Variants in MTX3 observed in about 807,000 individuals in gnomAD.
The protein encoded by MTX3 is metaxin-3.
In MTX3, 27 loss-of-function variants were observed where a neutral mutation model predicts 42.5. The ratio of observed to expected loss-of-function variants is 0.64; its 90% CI spans 0.47 to 0.88. The LOEUF (loss-of-function observed/expected upper bound fraction) is 0.88, where lower values mean the gene tolerates loss of function less well. Among genes scored for constraint, MTX3 ranks in the 40% least tolerant of loss-of-function variants. The pLI, the probability that MTX3 is intolerant of heterozygous loss-of-function variation, is 0.00. For synonymous variants in MTX3, 144 were observed against 132.9 expected, an observed-to-expected ratio of 1.08 and a Z score of -0.57; for missense variants, 378 against 367.0, an observed-to-expected ratio of 1.03 and a Z score of -0.25.
In MTX3 at chr5:79,989,217, C is replaced by T. The variant is rs1831569268; in HGVS notation, c.256G>A (p.Ala86Thr). The part of the protein sequence containing the change: ...QKYNADYELS[A>T]KQGADTLAYI... ...GCCAATGTATCTGCCCCTTGTTTTG[C>T]TGAGAGTTCATAATCAGCATTATAT... Residue 86 changes from alanine to threonine, a missense_variant, in exon 4 of 9, where the codon GCA becomes ACA. By Grantham distance (58) the Ala-to-Thr change is moderately conservative. Coordinates refer to ENST00000512528, the MANE Select transcript of MTX3 (RefSeq NM_001363818.2). 6.2e-7 allele frequency: 1 copy of T among 1,605,476 alleles called. No homozygotes were observed.
intron 8 of MTX3, among the ~76,000 whole-genome samples, chr5:79,984,179 A>G (rs538748746): frequency 6.6e-6 from 1 of 152,318 alleles, no homozygotes; most frequent in South Asian, 2.1e-4. Flanking sequence ...TCTTCCCGAT[A>G]CGCTATGAAG....
rs1159092335 is a variant in MTX3, at chr5:79,982,307, A to C, written c.*1377T>G. Reference sequence around the variant, plus strand: ...TGTATAAATAACTACCTAAATACAGAACAAATTGGGAGGATGTGGGTCAAA... The same window carrying C: ...TGTATAAATAACTACCTAAATACAGCACAAATTGGGAGGATGTGGGTCAAA... On this transcript the variant is annotated 3_prime_UTR_variant, in exon 9 of 9. Transcript: ENST00000512528. The C allele has an allele frequency of 2.3e-6, 1 of 436,568 alleles. No homozygotes were observed. Among genetic ancestry groups the C allele is most frequent in the Admixed American group, 2.6e-5 (1 of 38,872 alleles). The allele number at this position is 436,568 out of a possible 1,614,324, so 27.0% of individuals were successfully genotyped here. A position where few individuals can be genotyped will look rare whatever the true frequency, so the allele number is the denominator to read the frequency against.
At position 79,991,227 on chromosome 5, in the gene MTX3, G is replaced by A; in HGVS notation, c.12C>T (p.Pro4=). The A allele has an allele frequency of 1.4e-6, 2 of 1,459,660 alleles. No individual in the cohort carries two copies. Among genetic ancestry groups the A allele is most frequent in the Non-Finnish European group, 1.8e-6 (2 of 1,101,844 alleles). 90.4% of individuals were successfully genotyped at this position (1,459,660 alleles called of 1,614,324 possible). Residue 4 remains proline, a synonymous_variant, in exon 1 of 9, where the codon CCC becomes CCT. Transcript: ENST00000512528. MAA[P]LELSCWGGGW... ...CGCCTCCCCAGCAACTGAGTTCCAAGGGGGCCGCCATCTTGCGCGGGCCGA... is the reference window on the plus strand; with the variant it reads ...CGCCTCCCCAGCAACTGAGTTCCAAAGGGGCCGCCATCTTGCGCGGGCCGA...
chr5:79,990,868 G>C (rs1831636577), intron 1 of MTX3: 9 of 710,068 alleles, frequency 1.3e-5, no homozygotes, highest in Non-Finnish European at 2.3e-5. Flanking sequence ...TGGGGATGCA[G>C]AGTAGGGAGG....
Position 79,977,825 on chromosome 5 carries a change from T to A in MTX3, c.*5859A>T, listed in dbSNP as rs1409072822. The A allele has an allele frequency of 1.3e-5, 2 of 152,268 alleles. No homozygotes were observed. Among genetic ancestry groups the A allele is most frequent in the East Asian group, 3.8e-4 (2 of 5,202 alleles). The allele number at this position is 152,268 out of a possible 1,614,324, so 9.4% of individuals were successfully genotyped here. A position where few individuals can be genotyped will look rare whatever the true frequency, so the allele number is the denominator to read the frequency against. Reference sequence around the variant, plus strand: ...GCAACTATAAGCTTTCTATGATGTATGTATCATACTAGCTTGTATGTGACT... The same window carrying A: ...GCAACTATAAGCTTTCTATGATGTAAGTATCATACTAGCTTGTATGTGACT... On this transcript the variant is annotated 3_prime_UTR_variant, in exon 9 of 9. Coordinates refer to ENST00000512528, the MANE Select transcript of MTX3 (RefSeq NM_001363818.2).
chr5:79,988,510 C>A lies in MTX3; in HGVS notation c.456G>T (p.Leu152=), dbSNP rs767266053. 5 of 1,613,082 alleles carry A rather than the reference C, an allele frequency of 3.1e-6. No individual in the cohort carries two copies. The Admixed American group carries it at 8.3e-5, about 27-fold the overall frequency. Reference sequence around the variant, plus strand: ...GGTAGAGGGGAGGCTGTCCTCTGGTCAGGAGAATCCTATTCAGTGCTCCCT... The same window carrying A: ...GGTAGAGGGGAGGCTGTCCTCTGGTAAGGAGAATCCTATTCAGTGCTCCCT... ...MSKGALNRIL[L]TRGQPPLYHL... is the part of the protein sequence containing the mutation. The change falls in exon 5 of 9, where the codon CTG becomes CTT. Residue 152 remains leucine (L), a synonymous_variant. Coordinates refer to ENST00000512528, the MANE Select transcript of MTX3 (RefSeq NM_001363818.2).
chr5:79,983,819 C>G, intron 8 of MTX3, 25 bp from the exon 9 acceptor site: 1 of 1,495,190 alleles, frequency 6.7e-7, no homozygotes, highest in Admixed American at 1.7e-5. Context: ...AAAGATACAT[C>G]TGACTAATGC....
rs1831600580 is a variant in MTX3, at chr5:79,990,151, A to ACCAC, written c.228+5_228+8dup. On this transcript the variant is annotated intron_variant, in intron 3 of 8. Coordinates refer to ENST00000512528, the MANE Select transcript of MTX3 (RefSeq NM_001363818.2). ...CTACCAATCTACTTCTTCAAAGTGA[A>ACCAC]CCACCCACCTGTTTTCTTAAAAAGT... 1 of 1,587,698 alleles carries ACCAC rather than the reference A, an allele frequency of 6.3e-7. No homozygotes were observed. The highest frequency in any genetic ancestry group is 1.7e-5 in the Admixed American group (1 of 58,010).
At position 79,980,874 on chromosome 5, in the gene MTX3, C is replaced by T. The variant is rs932338854; in HGVS notation, c.*2810G>A. On this transcript the variant is annotated 3_prime_UTR_variant, in exon 9 of 9. Transcript: ENST00000512528. ...ATGTTCTGTGCTCTGTTCAGATTGA[C>T]AAAATGTTCTTTTTGGCCGGGCGCA... is the stretch of plus-strand genomic sequence containing the variant. The T allele has an allele frequency of 6.6e-6, 1 of 152,218 alleles. No homozygotes were observed. The highest frequency in any genetic ancestry group is 1.5e-5 in the Non-Finnish European group (1 of 68,112). 9.4% of individuals were successfully genotyped at this position (152,218 alleles called of 1,614,324 possible).
chr5:79,989,314 A>G, intron 3 of MTX3, 70 bp from the exon 4 acceptor site: 1 of 936,342 alleles, frequency 1.1e-6, no homozygotes, highest in Non-Finnish European at 1.6e-6. Flanking sequence ...AAACTAATCA[A>G]ATCAGGATTC....
At chr5:79,986,757 CTATT>C (rs1009432720) in intron 7 of MTX3, 189 bp downstream of exon 7, 1 of 595,708 alleles carries the variant, frequency 1.7e-6, no homozygotes, top group African/African-American at 1.9e-5. Context: ...AGGCAAATAT[CTATT>C]TATCTATTTA....
In MTX3 at chr5:79,982,521, C is replaced by T. The variant is rs1038310678; in HGVS notation, c.*1163G>A. On this transcript the variant is annotated 3_prime_UTR_variant, in exon 9 of 9. Transcript: ENST00000512528. ...AAGTAGTTTTAGGACAACAGAAGCA[C>T]CTCAACCACTAAAATAAGCAAGTTT... is the stretch of plus-strand genomic sequence containing the variant. 5 of 408,500 alleles carry T rather than the reference C, an allele frequency of 1.2e-5. No homozygotes were observed. The highest frequency in any genetic ancestry group is 1.0e-4 in the African/African-American group (5 of 48,238). 25.3% of individuals were successfully genotyped at this position (408,500 alleles called of 1,614,324 possible). A position where few individuals can be genotyped will look rare whatever the true frequency, so the allele number is the denominator to read the frequency against.
Position 79,990,647 on chromosome 5 carries a change from G to C in MTX3, c.98C>G (p.Ser33Cys), listed in dbSNP as rs1191743358. 3 of 1,613,418 alleles carry C rather than the reference G, an allele frequency of 1.9e-6. No homozygotes were observed. Among genetic ancestry groups the C allele is most frequent in the East Asian group, 2.2e-5 (1 of 44,880 alleles). ...CACATTGACTTTCAAGGGTGCACCA[G>C]AAAATTTGGCATAAGCCTGAAACAG... ...SLVVMAYAKF[S>C]GAPLKVNVID... The change falls in exon 2 of 9, where the codon TCT becomes TGT. Residue 33 changes from serine to cysteine, a missense_variant. Coordinates refer to ENST00000512528, the MANE Select transcript of MTX3 (RefSeq NM_001363818.2).
At chr5:79,990,305 A>G (rs1052055746) in intron 2 of MTX3, 69 bp from the exon 3 acceptor site, 2 of 1,097,204 alleles carry the variant, frequency 1.8e-6, no homozygotes, top group Non-Finnish European at 2.6e-6. Flanking sequence ...CAATATCCTA[A>G]AAACTATAGC....
rs1249812357 is a variant in MTX3 at position 79,989,254 on chromosome 5, A to G, written c.229-10T>C. ...AATCAGCATTATATTTCTATTAAAA[A>G]AAAATAAACCAAAGAAACTCAGAAG... On this transcript the variant is annotated splice_polypyrimidine_tract_variant and intron_variant, in intron 3 of 8. Transcript: ENST00000512528. 8 of 1,537,114 alleles carry G rather than the reference A, an allele frequency of 5.2e-6. No individual in the cohort carries two copies. In the African/African-American group the frequency reaches 1.1e-4, roughly 21 times the overall value.
At position 79,979,935 on chromosome 5, in the gene MTX3, G is replaced by C. The variant is rs1363937809; in HGVS notation, c.*3749C>G. 1 of 152,038 alleles carries C rather than the reference G, an allele frequency of 6.6e-6. No individual in the cohort carries two copies. The highest frequency in any genetic ancestry group is 6.5e-5 in the Admixed American group (1 of 15,274). The allele number at this position is 152,038 out of a possible 1,614,324, so 9.4% of individuals were successfully genotyped here. A position where few individuals can be genotyped will look rare whatever the true frequency, so the allele number is the denominator to read the frequency against. On this transcript the variant is annotated 3_prime_UTR_variant, in exon 9 of 9. Coordinates refer to ENST00000512528, the MANE Select transcript of MTX3 (RefSeq NM_001363818.2). ...AGTTTTAAATCATGGTTTATATATA[G>C]ATAATGATACATTTAATCTATGAAT...
At chr5:79,990,717 G>A in intron 1 of MTX3, 54 bp from the exon 2 acceptor site, 4 of 1,318,986 alleles carry the variant, frequency 3.0e-6, no homozygotes, top group Non-Finnish European at 4.4e-6. Context: ...ATGCAAAGCT[G>A]CAGAGCAGCT....
rs1490869193 is a variant in MTX3, at chr5:79,981,438, C to T, written c.*2246G>A. The T allele has an allele frequency of 6.6e-6, 1 of 152,162 alleles. No homozygotes were observed. Among genetic ancestry groups the T allele is most frequent in the Admixed American group, 6.5e-5 (1 of 15,288 alleles). The allele number at this position is 152,162 out of a possible 1,614,324, so 9.4% of individuals were successfully genotyped here. A position where few individuals can be genotyped will look rare whatever the true frequency, so the allele number is the denominator to read the frequency against. ...CACAAAAACAAATAAATCATATTGA[C>T]AGTCATTCCCTCTACTAAAAAAGAA... On this transcript the variant is annotated 3_prime_UTR_variant, in exon 9 of 9. Transcript: ENST00000512528.
At chr5:79,985,172 G>A (rs904200807) in intron 8 of MTX3, among the ~76,000 whole-genome samples, 2 of 152,004 alleles carry the variant, frequency 1.3e-5, no homozygotes, top group African/African-American at 2.4e-5. Context: ...TAGTAGAGAC[G>A]GGGTTTCGCC....
Sources: allele counts gnomAD v4.1 joint callset (sites outside exome capture counted in the v4.1 genomes callset), GRCh38; gene constraint gnomAD v4.1.1; transcripts MANE v1.5; gene names NCBI Gene and HGNC (gene_info 2026-07-23, HGNC 2026-07-21).